Variants in SYN3 observed in about 807,000 individuals in gnomAD.
The protein encoded by SYN3 is synapsin III.
Under a neutral mutation model 65.8 loss-of-function variants are expected in SYN3, and 35 were observed. The observed-to-expected ratio is 0.53, with a 90% CI of 0.41 to 0.70. The LOEUF (loss-of-function observed/expected upper bound fraction) is 0.70, where lower values mean the gene tolerates loss of function less well. Ranked by LOEUF, SYN3 falls within the 30% of genes least tolerant of loss-of-function variation. SYN3 has a pLI of 0.00. For synonymous variants in SYN3, 270 were observed against 292.9 expected (o/e 0.92, Z 0.80); for missense variants, 680 against 749.0 (o/e 0.91, Z 1.08).
intron 5 of SYN3, among the ~76,000 whole-genome samples, chr22:32,867,291 C>T (rs1369350216): frequency 6.6e-6 from 1 of 152,192 alleles, no homozygotes; most frequent in East Asian, 1.9e-4. Flanking sequence ...GGACATATTG[C>T]ATATTTGGCA....
chr22:32,795,115 T>C (rs2046401546), intron 6 of SYN3, among the ~76,000 whole-genome samples: 1 of 152,200 alleles, frequency 6.6e-6, no homozygotes, highest in Non-Finnish European at 1.5e-5. Context: ...CAGAGGGCCT[T>C]GTTTGTCTTT....
rs548959446 is a variant in SYN3, at chr22:32,975,437, C to T, written c.369+5208G>A. On this transcript the variant is annotated intron_variant, in intron 3 of 13. Coordinates refer to ENST00000358763, the MANE Select transcript of SYN3 (RefSeq NM_003490.4). ...CACAGCTGAGTTTTTGAACTCAGCC[C>T]ATCAGCTTAAGGTCGTCAGTCATCA... Among the ~76,000 whole-genome samples the T allele has an allele frequency of 2.0e-5, 3 of 151,982 alleles. No homozygotes were observed. In the South Asian group the frequency reaches 6.3e-4, roughly 32 times the overall value.
chr22:32,892,258 T>C (rs1227095261), intron 4 of SYN3, among the ~76,000 whole-genome samples: 1 of 152,046 alleles, frequency 6.6e-6, no homozygotes, highest in Non-Finnish European at 1.5e-5. Flanking sequence ...ATCACGCCAC[T>C]GCACTCCAGC....
intron 6 of SYN3, among the ~76,000 whole-genome samples, chr22:32,690,864 G>GC (rs1333806605): frequency 6.6e-6 from 1 of 152,158 alleles, no homozygotes; most frequent in Admixed American, 6.5e-5. Context: ...TCATGAGCCT[G>GC]CCCCCTGCAA....
intron 6 of SYN3, among the ~76,000 whole-genome samples, chr22:32,599,332 T>C (rs574848232): frequency 6.6e-6 from 1 of 152,098 alleles, no homozygotes; most frequent in Non-Finnish European, 1.5e-5. Flanking sequence ...TACTTTTTTT[T>C]TTTTTTTGAG....
At chr22:32,792,977 C>T (rs142169493) in intron 6 of SYN3, among the ~76,000 whole-genome samples, 177 of 152,238 alleles carry the variant, frequency 1.2e-3, no homozygotes, top group African/African-American at 4.0e-3. Flanking sequence ...TTCTTTGAGC[C>T]TCCGTTTCCT....
At chr22:32,759,287 T>G (rs977566996) in intron 6 of SYN3, among the ~76,000 whole-genome samples, 1 of 152,094 alleles carries the variant, frequency 6.6e-6, no homozygotes, top group Non-Finnish European at 1.5e-5. Flanking sequence ...TTATTTAATC[T>G]TCCGGAACTG....
At chr22:32,821,405 T>G (rs2047242777) in intron 6 of SYN3, among the ~76,000 whole-genome samples, 1 of 152,204 alleles carries the variant, frequency 6.6e-6, no homozygotes, top group Non-Finnish European at 1.5e-5. Flanking sequence ...GTGTCATCAG[T>G]GCTGTGCTAT....
At chr22:32,857,224 G>A (rs370901487) in intron 6 of SYN3, 5 of 1,574,306 alleles carry the variant, frequency 3.2e-6, no homozygotes, top group Non-Finnish European at 2.6e-6. Flanking sequence ...GAAAGAAGAA[G>A]TCATGATGTT....
At chr22:32,987,286 C>A (rs1444604859) in intron 2 of SYN3, among the ~76,000 whole-genome samples, 1 of 152,104 alleles carries the variant, frequency 6.6e-6, no homozygotes, top group Non-Finnish European at 1.5e-5. Flanking sequence ...GGGAAGACAA[C>A]CAATGGGCTG....
chr22:32,852,208 C>A (rs541151927), intron 6 of SYN3, among the ~76,000 whole-genome samples: 7 of 152,288 alleles, frequency 4.6e-5, no homozygotes, highest in African/African-American at 1.4e-4. Context: ...TATATGGCCA[C>A]AAAGTGGCAA....
chr22:32,629,680 C>T (rs1033108042), intron 6 of SYN3: 1 of 152,164 alleles, frequency 6.6e-6, no homozygotes, highest in African/African-American at 2.4e-5. Context: ...AGAGCCATCC[C>T]CTGGGAGCCT....
intron 6 of SYN3, among the ~76,000 whole-genome samples, chr22:32,764,985 C>G (rs1350372206): frequency 6.6e-6 from 1 of 152,058 alleles, no homozygotes; most frequent in Non-Finnish European, 1.5e-5. Flanking sequence ...TCCCCACCCC[C>G]ACCCTCTTGT....
At chr22:32,636,415 A>G (rs2059817731) in intron 6 of SYN3, among the ~76,000 whole-genome samples, 1 of 116,022 alleles carries the variant, frequency 8.6e-6, no homozygotes, top group Admixed American at 8.8e-5. Flanking sequence ...AAAAAAAAAA[A>G]AAAGAAAAGA....
chr22:32,813,307 T>C (rs1368609093), intron 6 of SYN3, among the ~76,000 whole-genome samples: 1 of 152,070 alleles, frequency 6.6e-6, no homozygotes, highest in African/African-American at 2.4e-5. Context: ...GCTTTGGAGT[T>C]GGGGAGACAA....
intron 6 of SYN3, among the ~76,000 whole-genome samples, chr22:32,650,221 C>T (rs190726583): frequency 0.022 from 2,613 of 120,944 alleles, 155 homozygotes; most frequent in African/African-American, 0.075. Context: ...TTCTTTCTCT[C>T]TCTCTCTCTC....
intron 7 of SYN3, among the ~76,000 whole-genome samples, chr22:32,593,284 C>T (rs2059153173): frequency 6.6e-6 from 1 of 151,568 alleles, no homozygotes; most frequent in African/African-American, 2.4e-5. Context: ...GTGCACCCTC[C>T]TTTCCATGTT....
intron 4 of SYN3, chr22:32,930,864 A>G (rs970358602): frequency 6.5e-6 from 1 of 152,778 alleles, no homozygotes; most frequent in East Asian, 1.9e-4. Context: ...CATAAATTAC[A>G]AACAGATTTC....
intron 6 of SYN3, among the ~76,000 whole-genome samples, chr22:32,703,028 T>G (rs569727009): frequency 8.5e-4 from 129 of 152,234 alleles, no homozygotes; most frequent in Non-Finnish European, 1.7e-3. Flanking sequence ...ATGCTGGGGT[T>G]AGTTAGAGGC....
Sources: gnomAD v4.1 joint callset for allele counts (sites outside exome capture counted in the v4.1 genomes callset) on GRCh38, gnomAD v4.1.1 for gene constraint, MANE v1.5 for transcripts, NCBI Gene and HGNC (gene_info 2026-07-23, HGNC 2026-07-21) for gene names.